The following CNTNAP5 variants were observed in gnomAD, a reference collection of about 807,000 sequenced individuals.
The protein encoded by CNTNAP5 is contactin-associated protein-like 5.
In CNTNAP5, 72 loss-of-function variants were observed where a neutral mutation model predicts 150.2. The ratio of observed to expected loss-of-function variants is 0.48; its 90% CI spans 0.40 to 0.58. The LOEUF (loss-of-function observed/expected upper bound fraction) is 0.58, where lower values mean the gene tolerates loss of function less well. Among genes scored for constraint, CNTNAP5 ranks in the 20% least tolerant of loss-of-function variants. CNTNAP5 has a pLI of 0.00. For missense variants in CNTNAP5, 1,636 were observed against 1,626.2 expected, an observed-to-expected ratio of 1.01 and a Z score of -0.10; for synonymous variants, 672 against 619.8, an observed-to-expected ratio of 1.08 and a Z score of -1.25.
At chr2:124,493,268 A>G (rs908709805) in intron 7 of CNTNAP5, among the ~76,000 whole-genome samples, 1 of 151,786 alleles carries the variant, frequency 6.6e-6, no homozygotes, top group Non-Finnish European at 1.5e-5. Context: ...ATTGATTTGC[A>G]TATGTTGAGC....
chr2:124,364,124 TA>T (rs1187703360), intron 3 of CNTNAP5, among the ~76,000 whole-genome samples: 7 of 152,186 alleles, frequency 4.6e-5, no homozygotes, highest in African/African-American at 1.7e-4. Context: ...GCTACAAAGT[TA>T]TACAGGATGC....
At chr2:124,649,324 A>G (rs903537340) in intron 13 of CNTNAP5, among the ~76,000 whole-genome samples, 1 of 151,974 alleles carries the variant, frequency 6.6e-6, no homozygotes, top group Non-Finnish European at 1.5e-5. Flanking sequence ...CAATGTTTAT[A>G]TTTATGTGTG....
At chr2:124,355,983 T>C (rs933969195) in intron 3 of CNTNAP5, among the ~76,000 whole-genome samples, 11 of 152,154 alleles carry the variant, frequency 7.2e-5, no homozygotes, top group African/African-American at 2.4e-4. Context: ...TTTTCTCATA[T>C]ATTTTATAAA....
At chr2:124,685,624 A>G (rs1414573737) in intron 13 of CNTNAP5, among the ~76,000 whole-genome samples, 2 of 152,130 alleles carry the variant, frequency 1.3e-5, no homozygotes, top group Non-Finnish European at 2.9e-5. Flanking sequence ...TGTACTGCTT[A>G]TAACTGAGGT....
chr2:124,228,490 G>T (rs900515856), intron 2 of CNTNAP5, among the ~76,000 whole-genome samples: 3 of 152,134 alleles, frequency 2.0e-5, no homozygotes, highest in Admixed American at 6.5e-5. Context: ...AAACTTGGGG[G>T]TTATACCTTC....
intron 13 of CNTNAP5, among the ~76,000 whole-genome samples, chr2:124,713,318 C>CTTTCTTTCTTTCTTT (rs1553434509): frequency 2.3e-5 from 1 of 43,926 alleles, no homozygotes; most frequent in Admixed American, 2.9e-4. Context: ...CTCTTTCTTT[C>CTTTCTTTCTTTCTTT]CTTTCTTTCT....
chr2:124,589,311 T>C (rs974284869), intron 11 of CNTNAP5, among the ~76,000 whole-genome samples: 1 of 152,216 alleles, frequency 6.6e-6, no homozygotes, highest in African/African-American at 2.4e-5. Flanking sequence ...TATGACTGGC[T>C]TCTTTCATTT....
chr2:124,707,039 A>AAGGAGG (rs775220057), intron 13 of CNTNAP5, among the ~76,000 whole-genome samples: 37 of 82,006 alleles, frequency 4.5e-4, no homozygotes, highest in Admixed American at 1.0e-3. Context: ...GAAGAAGAAG[A>AAGGAGG]AGGAGGAGGA....
At chr2:124,668,232 AC>A (rs1195302129) in intron 13 of CNTNAP5, among the ~76,000 whole-genome samples, 2 of 151,932 alleles carry the variant, frequency 1.3e-5, no homozygotes, top group Non-Finnish European at 2.9e-5. Context: ...GCTAGGAAAA[AC>A]CTTTGGCATC....
intron 1 of CNTNAP5, among the ~76,000 whole-genome samples, chr2:124,108,996 C>T (rs977724711): frequency 7.9e-5 from 12 of 151,946 alleles, no homozygotes; most frequent in African/African-American, 2.9e-4. Flanking sequence ...TAAGAGCTTT[C>T]CAGAGATAAA....
At chr2:124,909,680 A>G (rs1331159987) in intron 22 of CNTNAP5, among the ~76,000 whole-genome samples, 2 of 149,248 alleles carry the variant, frequency 1.3e-5, no homozygotes, top group African/African-American at 5.0e-5. Flanking sequence ...TCTTCTACCC[A>G]TCTTTTACCA....
At chr2:124,564,154 T>C (rs964002815) in intron 11 of CNTNAP5, among the ~76,000 whole-genome samples, 1 of 151,954 alleles carries the variant, frequency 6.6e-6, no homozygotes, top group Non-Finnish European at 1.5e-5. Flanking sequence ...AAGAAACAAA[T>C]GGAGACATAA....
At chr2:124,587,566 C>G (rs535730374) in intron 11 of CNTNAP5, among the ~76,000 whole-genome samples, 1 of 152,210 alleles carries the variant, frequency 6.6e-6, no homozygotes, top group East Asian at 1.9e-4. Flanking sequence ...CTCTTATTGC[C>G]TCTTTCTGGC....
At chr2:124,871,273 TTTAC>T (rs936830182) in intron 21 of CNTNAP5, among the ~76,000 whole-genome samples, 4 of 151,322 alleles carry the variant, frequency 2.6e-5, no homozygotes, top group African/African-American at 4.9e-5. Context: ...CATATACATA[TTTAC>T]TTACTTATTT....
intron 7 of CNTNAP5, among the ~76,000 whole-genome samples, chr2:124,485,631 A>AAAAAGAAGAAG (rs1457112306): frequency 2.2e-5 from 3 of 134,238 alleles, no homozygotes; most frequent in East Asian, 4.6e-4. Context: ...AAAAAAAAAA[A>AAAAAGAAGAAG]AAAGAAGAAG....
intron 3 of CNTNAP5, among the ~76,000 whole-genome samples, chr2:124,274,692 A>C (rs1425938112): frequency 6.6e-6 from 1 of 151,786 alleles, no homozygotes; most frequent in African/African-American, 2.4e-5. Flanking sequence ...TAAACAAAAT[A>C]GCAGAAGTTT....
intron 6 of CNTNAP5, among the ~76,000 whole-genome samples, chr2:124,469,567 T>C (rs1257217017): frequency 6.6e-6 from 1 of 152,010 alleles, no homozygotes; most frequent in Non-Finnish European, 1.5e-5. Flanking sequence ...TCTTTTTTTT[T>C]ACATTTTTAA....
intron 11 of CNTNAP5, among the ~76,000 whole-genome samples, chr2:124,590,883 C>T (rs888766247): frequency 3.3e-5 from 5 of 152,146 alleles, no homozygotes; most frequent in African/African-American, 4.8e-5. Flanking sequence ...AAAACTATTT[C>T]GCTGTCTGAA....
At chr2:124,188,951 A>G (rs1281498815) in intron 1 of CNTNAP5, among the ~76,000 whole-genome samples, 1 of 152,146 alleles carries the variant, frequency 6.6e-6, no homozygotes, top group Non-Finnish European at 1.5e-5. Context: ...TAAATGAGTG[A>G]ATCCAAGACC....
Sources: allele counts gnomAD v4.1 joint callset (sites outside exome capture counted in the v4.1 genomes callset), GRCh38; gene constraint gnomAD v4.1.1; transcripts MANE v1.5; gene names NCBI Gene and HGNC (gene_info 2026-07-23, HGNC 2026-07-21).